Variants in STK3 observed in about 807,000 individuals in gnomAD.
STK3 encodes the protein serine/threonine kinase 3.
Under a neutral mutation model 58.0 loss-of-function variants are expected in STK3, and 41 were observed. That is an observed-to-expected ratio of 0.71 (90% confidence interval 0.55 to 0.92). STK3 has a LOEUF of 0.92. Ranked by LOEUF, STK3 falls within the 40% of genes least tolerant of loss-of-function variation. The pLI is 0.00. For synonymous variants in STK3, 170 were observed against 191.0 expected (o/e 0.89, Z 0.91); for missense variants, 479 against 602.7 (o/e 0.79, Z 2.15).
chr8:98,713,118 G>A lies in STK3; in HGVS notation c.352-5807C>T, dbSNP rs186009928. On this transcript the variant is annotated intron_variant, in intron 4 of 10. Coordinates refer to ENST00000419617, the MANE Select transcript of STK3 (RefSeq NM_006281.4). Reference sequence around the variant, plus strand: ...AAAGACACAACATACCAGAATCTCCGGGACACATTCAAAGCAGTGTGTAGA... The same window carrying A: ...AAAGACACAACATACCAGAATCTCCAGGACACATTCAAAGCAGTGTGTAGA... 2.1e-4 allele frequency among the ~76,000 whole-genome samples: 32 copies of A among 152,210 alleles called. No individual in the cohort carries two copies. The South Asian group carries it at 2.5e-3, about 12-fold the overall frequency.
At chr8:98,485,228 G>A (rs1183321227) in intron 10 of STK3, among the ~76,000 whole-genome samples, 1 of 144,636 alleles carries the variant, frequency 6.9e-6, no homozygotes, top group Non-Finnish European at 1.5e-5. Context: ...GCAAAATGAG[G>A]GAAACTGCGT....
chr8:98,916,591 C>T (rs897857565), intron 1 of STK3, among the ~76,000 whole-genome samples: 1 of 152,176 alleles, frequency 6.6e-6, no homozygotes, highest in South Asian at 2.1e-4. Flanking sequence ...TAATTGCCCT[C>T]CCTGTCTCCA....
intron 1 of STK3, among the ~76,000 whole-genome samples, chr8:98,775,969 A>G (rs943913791): frequency 1.3e-5 from 2 of 152,076 alleles, no homozygotes; most frequent in African/African-American, 4.8e-5. Flanking sequence ...AAGAAAAGAC[A>G]CATTAATTTT....
intron 3 of STK3, among the ~76,000 whole-genome samples, chr8:98,766,869 T>G (rs1051733576): frequency 6.6e-6 from 1 of 152,156 alleles, no homozygotes; most frequent in Admixed American, 6.5e-5. Context: ...ACGCCTGTAA[T>G]CCCAGCACTT....
intron 3 of STK3, among the ~76,000 whole-genome samples, chr8:98,764,317 T>A (rs1830812101): frequency 6.6e-6 from 1 of 152,216 alleles, no homozygotes; most frequent in African/African-American, 2.4e-5. Context: ...CCTCAATCTG[T>A]AATGCTCTTC....
intron 4 of STK3, among the ~76,000 whole-genome samples, chr8:98,715,177 C>A (rs1403897004): frequency 1.3e-5 from 2 of 152,120 alleles, no homozygotes; most frequent in Non-Finnish European, 2.9e-5. Flanking sequence ...ACCAGAAAAA[C>A]CCTAGAAGAA....
At position 98,680,354 on chromosome 8, in the gene STK3, T is replaced by C. The variant is rs114100528; in HGVS notation, c.684+26113A>G. On this transcript the variant is annotated intron_variant, in intron 6 of 10. Transcript: ENST00000419617. ...GGAAAAATAAATATCATGATTGAACTTGAGGCAAATGGAAACAGTTCAAAT... is the reference window on the plus strand; with the variant it reads ...GGAAAAATAAATATCATGATTGAACCTGAGGCAAATGGAAACAGTTCAAAT... Among the ~76,000 whole-genome samples the C allele has an allele frequency of 6.5e-3, 990 of 152,294 alleles. 9 individuals are homozygous for C. Among genetic ancestry groups the C allele is most frequent in the African/African-American group, 0.023 (957 of 41,552 alleles).
chr8:98,536,225 G>C (rs920802418), intron 9 of STK3, among the ~76,000 whole-genome samples: 6 of 152,080 alleles, frequency 3.9e-5, no homozygotes, highest in African/African-American at 2.4e-5. Flanking sequence ...TCCTGACTAG[G>C]GGTGAGAAAG....
intron 7 of STK3, among the ~76,000 whole-genome samples, chr8:98,590,204 C>T (rs1815166154): frequency 6.6e-6 from 1 of 151,418 alleles, no homozygotes; most frequent in African/African-American, 2.4e-5. Flanking sequence ...CATTGATTTG[C>T]TATTTCTGTT....
chr8:98,357,047 C>A, the STK3 span, among the ~76,000 whole-genome samples: 16,902 of 152,210 alleles, frequency 0.11, 1,086 homozygotes, highest in East Asian at 0.19. Flanking sequence ...GTGCACGTAG[C>A]CTGTCTGCCC....
intron 9 of STK3, among the ~76,000 whole-genome samples, chr8:98,533,715 C>A (rs1809516863): frequency 6.6e-6 from 1 of 152,176 alleles, no homozygotes; most frequent in South Asian, 2.1e-4. Flanking sequence ...GTTTCAAACT[C>A]CTGGACTCAA....
At chr8:98,592,690 T>G (rs977525393) in intron 7 of STK3, among the ~76,000 whole-genome samples, 1 of 152,010 alleles carries the variant, frequency 6.6e-6, no homozygotes, top group Admixed American at 6.6e-5. Context: ...TTTTCCAACT[T>G]GATAAAAAGG....
At chr8:98,766,450 T>TA (rs1830954622) in intron 3 of STK3, among the ~76,000 whole-genome samples, 1 of 152,168 alleles carries the variant, frequency 6.6e-6, no homozygotes, top group Non-Finnish European at 1.5e-5. Flanking sequence ...AAATTTGTCC[T>TA]AAAAAAGTCC....
intron 1 of STK3, among the ~76,000 whole-genome samples, chr8:98,935,816 T>C (rs1424581784): frequency 6.6e-6 from 1 of 152,222 alleles, no homozygotes; most frequent in East Asian, 1.9e-4. Context: ...ATAGGAGGAA[T>C]AATTTTGTAA....
chr8:98,518,734 C>T (rs865964776), intron 10 of STK3, among the ~76,000 whole-genome samples: 2 of 152,234 alleles, frequency 1.3e-5, no homozygotes, highest in Middle Eastern at 6.8e-3. Flanking sequence ...GATATGACTG[C>T]CAGCACAGAT....
At chr8:98,489,296 T>C (rs1039060766) in intron 10 of STK3, among the ~76,000 whole-genome samples, 3 of 152,126 alleles carry the variant, frequency 2.0e-5, no homozygotes, top group Non-Finnish European at 4.4e-5. Context: ...CTTCTGAAAG[T>C]TTAAATTTAC....
intron 10 of STK3, among the ~76,000 whole-genome samples, chr8:98,523,660 C>A (rs1825545750): frequency 6.6e-6 from 1 of 152,026 alleles, no homozygotes; most frequent in Admixed American, 6.5e-5. Context: ...CAGGCATGAG[C>A]CACCATGCCC....
intron 6 of STK3, among the ~76,000 whole-genome samples, chr8:98,670,824 C>T (rs1822774949): frequency 6.6e-6 from 1 of 152,202 alleles, no homozygotes; most frequent in African/African-American, 2.4e-5. Context: ...AGAGCTGCTT[C>T]ATCACTCAAT....
At chr8:98,722,846 A>T in intron 4 of STK3, 1 of 491,282 alleles carries the variant, frequency 2.0e-6, no homozygotes, top group Non-Finnish European at 4.0e-6. Context: ...GAGAAAACAC[A>T]TGAGAGAGGA....
Sources: gnomAD v4.1 joint callset for allele counts (sites outside exome capture counted in the v4.1 genomes callset) on GRCh38, gnomAD v4.1.1 for gene constraint, MANE v1.5 for transcripts, NCBI Gene and HGNC (gene_info 2026-07-23, HGNC 2026-07-21) for gene names.